Variants in CREG1 observed in about 807,000 individuals in gnomAD.
The protein encoded by CREG1 is protein CREG1.
CREG1 carries 20 observed loss-of-function variants against 19.9 expected under a neutral mutation model. The ratio of observed to expected loss-of-function variants is 1.01; its 90% CI spans 0.71 to 1.46. The LOEUF (loss-of-function observed/expected upper bound fraction) is 1.46. CREG1 is among the 40% of genes most tolerant of loss of function. The pLI is 0.00. For synonymous variants in CREG1, 141 were observed against 143.3 expected (o/e 0.98, Z 0.12); for missense variants, 290 against 314.9 (o/e 0.92, Z 0.60).
chr1:167,544,615 G>T (rs1351291755), intron 3 of CREG1, among the ~76,000 whole-genome samples: 1 of 152,142 alleles, frequency 6.6e-6, no homozygotes, highest in Non-Finnish European at 1.5e-5. Flanking sequence ...TAGAAGTCAG[G>T]TGATGGCTCT....
chr1:167,547,853 A>T, intron 2 of CREG1, 149 bp downstream of exon 2: 2 of 729,730 alleles, frequency 2.7e-6, no homozygotes, highest in Non-Finnish European at 4.2e-6. Flanking sequence ...CCCAGGAGGC[A>T]GAGGTTGCAG....
chr1:167,546,426 G>A (rs1047292974), intron 2 of CREG1, 141 bp from the exon 3 acceptor site: 4 of 522,516 alleles, frequency 7.7e-6, no homozygotes, highest in African/African-American at 2.0e-5. Flanking sequence ...GGCGGATCAC[G>A]AGGTCAGGAG....
At chr1:167,547,965 C>A in intron 2 of CREG1, 37 bp downstream of exon 2, 1 of 1,591,110 alleles carries the variant, frequency 6.3e-7, no homozygotes, top group South Asian at 1.1e-5. Flanking sequence ...CGATGGTGTT[C>A]TGAAACCATC....
At chr1:167,548,261 C>T (rs1369783702) in intron 1 of CREG1, 140 bp from the exon 2 acceptor site, 6 of 594,498 alleles carry the variant, frequency 1.0e-5, no homozygotes, top group Non-Finnish European at 1.7e-5. Flanking sequence ...TCACCTTCCA[C>T]TCAGGGGAAA....
At chr1:167,548,829 T>A (rs1343751749) in intron 1 of CREG1, among the ~76,000 whole-genome samples, 1 of 152,126 alleles carries the variant, frequency 6.6e-6, no homozygotes, top group Non-Finnish European at 1.5e-5. Flanking sequence ...CACTGACCCA[T>A]CAAAACAAAG....
rs1471602290 is a variant in CREG1, at chr1:167,541,494, T to C, written c.*804A>G. 1 of 152,218 alleles carries C rather than the reference T, an allele frequency of 6.6e-6. No individual in the cohort carries two copies. Among genetic ancestry groups the C allele is most frequent in the Non-Finnish European group, 1.5e-5 (1 of 68,044 alleles). 9.4% of individuals were successfully genotyped at this position (152,218 alleles called of 1,614,324 possible). A position where few individuals can be genotyped will look rare whatever the true frequency, so the allele number is the denominator to read the frequency against. On this transcript the variant is annotated 3_prime_UTR_variant, in exon 4 of 4. Transcript: ENST00000370509. ...TCCATGCCTGGGTAAACTTTACTTA[T>C]AAAAGAATACCAGGAACACACAAAA...
chr1:167,550,641 C>G (rs1316197476), intron 1 of CREG1, among the ~76,000 whole-genome samples: 1 of 152,036 alleles, frequency 6.6e-6, no homozygotes, highest in Non-Finnish European at 1.5e-5. Flanking sequence ...AACAGAAATG[C>G]AGAAGATCAA....
intron 3 of CREG1, among the ~76,000 whole-genome samples, chr1:167,542,941 C>T (rs1656250569): frequency 6.6e-6 from 1 of 152,152 alleles, no homozygotes; most frequent in South Asian, 2.1e-4. Context: ...AAAAGCAATG[C>T]TTATGCTTAT....
At chr1:167,546,076 A>T in intron 3 of CREG1, 25 bp downstream of exon 3, 1 of 1,556,402 alleles carries the variant, frequency 6.4e-7, no homozygotes, top group Non-Finnish European at 8.7e-7. Flanking sequence ...CGGCAATCTT[A>T]GGTGAAAGAT....
chr1:167,552,622 AT>A (rs1423302444), intron 1 of CREG1, among the ~76,000 whole-genome samples: 1 of 152,224 alleles, frequency 6.6e-6, no homozygotes, highest in Non-Finnish European at 1.5e-5. Flanking sequence ...CGTCCATGAT[AT>A]TGTACGTTAG....
intron 1 of CREG1, among the ~76,000 whole-genome samples, chr1:167,549,456 C>T (rs1656385815): frequency 6.6e-6 from 1 of 151,348 alleles, no homozygotes; most frequent in Non-Finnish European, 1.5e-5. Context: ...GCGATCTCAG[C>T]TCACTGCAAC....
chr1:167,542,378 G>C, intron 3 of CREG1, 77 bp from the exon 4 acceptor site: 1 of 1,363,708 alleles, frequency 7.3e-7, no homozygotes, highest in Non-Finnish European at 1.0e-6. Context: ...TTCTAGGGAA[G>C]GACTAGATAA....
At chr1:167,547,921 A>G (rs1656356558) in intron 2 of CREG1, 81 bp downstream of exon 2, 2 of 1,487,678 alleles carry the variant, frequency 1.3e-6, no homozygotes, top group African/African-American at 1.4e-5. Flanking sequence ...ACTCTGTCTC[A>G]AAAGAAAAAT....
chr1:167,552,903 C>A (rs1226017410), intron 1 of CREG1, among the ~76,000 whole-genome samples: 1 of 151,884 alleles, frequency 6.6e-6, no homozygotes, highest in Admixed American at 6.6e-5. Context: ...AAAAATTAGC[C>A]GGGTGTGGTG....
chr1:167,547,536 C>T (rs565777325), intron 2 of CREG1, among the ~76,000 whole-genome samples: 169 of 152,220 alleles, frequency 1.1e-3, no homozygotes, highest in African/African-American at 3.8e-3. Context: ...CTTATTAAAA[C>T]GTTTGGTTTT....
intron 3 of CREG1, among the ~76,000 whole-genome samples, chr1:167,545,550 G>T (rs1373973470): frequency 2.0e-5 from 3 of 152,144 alleles, no homozygotes; most frequent in Admixed American, 6.5e-5. Flanking sequence ...GAAAAGGCCA[G>T]GCATGGTCGC....
chr1:167,543,497 A>G (rs1019826056), intron 3 of CREG1, among the ~76,000 whole-genome samples: 6 of 152,236 alleles, frequency 3.9e-5, no homozygotes, highest in African/African-American at 1.4e-4. Flanking sequence ...GATCTGGGCA[A>G]GCCAAGCAAG....
At chr1:167,546,009 G>A (rs1448706306) in intron 3 of CREG1, 92 bp downstream of exon 3, 1 of 1,063,100 alleles carries the variant, frequency 9.4e-7, no homozygotes, top group African/African-American at 1.6e-5. Flanking sequence ...GGGTGTCCAG[G>A]GCACATGAAA....
rs1656471189 is a variant in CREG1, at chr1:167,553,674, G to T, written c.68C>A (p.Ala23Glu). 3.8e-6 allele frequency: 5 copies of T among 1,331,626 alleles called. No individual in the cohort carries two copies. Among genetic ancestry groups the T allele is most frequent in the South Asian group, 2.0e-5 (1 of 49,108 alleles). The allele number at this position is 1,331,626 out of a possible 1,614,324, so 82.5% of individuals were successfully genotyped here. Reference protein sequence around the residue: ...LAALLASTLLALLVSPARGRG... With the variant: ...LAALLASTLLELLVSPARGRG... Reference sequence around the variant, plus strand: ...ACCCCGCGCGGGCGACACGAGCAGCGCCAACAGCGTCGACGCCAGCAGGGC... The same window carrying T: ...ACCCCGCGCGGGCGACACGAGCAGCTCCAACAGCGTCGACGCCAGCAGGGC... The change falls in exon 1 of 4, where the codon GCG becomes GAG. Residue 23 changes from alanine to glutamate, a missense_variant. Ala to Glu is a moderately radical substitution (Grantham distance 107). Coordinates refer to ENST00000370509, the MANE Select transcript of CREG1 (RefSeq NM_003851.3).
Sources: allele counts gnomAD v4.1 joint callset (sites outside exome capture counted in the v4.1 genomes callset), GRCh38; gene constraint gnomAD v4.1.1; transcripts MANE v1.5; gene names NCBI Gene and HGNC (gene_info 2026-07-23, HGNC 2026-07-21).